CNTLN: variants seen among roughly 807,000 people sequenced by gnomAD.
The protein encoded by CNTLN is centlein.
CNTLN carries 212 observed loss-of-function variants against 180.0 expected under a neutral mutation model. That is an observed-to-expected ratio of 1.18 (90% CI 1.05 to 1.32). CNTLN has a LOEUF of 1.32. CNTLN is among the 40% of genes most tolerant of loss of function. CNTLN has a pLI of 0.00. For synonymous variants in CNTLN, 722 were observed against 563.1 expected (o/e 1.28, Z -3.99); for missense variants, 2,095 against 1,610.9 (o/e 1.30, Z -5.14).
intron 2 of CNTLN, among the ~76,000 whole-genome samples, chr9:17,210,925 G>C (rs1823256585): frequency 6.6e-6 from 1 of 151,982 alleles, no homozygotes; most frequent in South Asian, 2.1e-4. Flanking sequence ...TTGTAAATTT[G>C]TTTGAGTTCA....
At chr9:17,209,493 A>T (rs769116819) in intron 2 of CNTLN, among the ~76,000 whole-genome samples, 17 of 152,126 alleles carry the variant, frequency 1.1e-4, no homozygotes, top group Non-Finnish European at 1.6e-4. Flanking sequence ...TGTCTGGATG[A>T]TTCTGTCTAA....
chr9:17,360,069 G>A (rs1327559519), intron 12 of CNTLN, among the ~76,000 whole-genome samples: 3 of 152,028 alleles, frequency 2.0e-5, no homozygotes, highest in East Asian at 3.9e-4. Context: ...AGTATTGTAT[G>A]TTGCAATATA....
At chr9:17,241,101 G>A (rs749100286) in intron 5 of CNTLN, among the ~76,000 whole-genome samples, 13 of 152,040 alleles carry the variant, frequency 8.6e-5, no homozygotes, top group African/African-American at 2.2e-4. Flanking sequence ...CTGGTGATCC[G>A]CCCACCTTGG....
rs750164952 is a variant in CNTLN at position 17,330,770 on chromosome 9, C to T, written c.1480C>T (p.Arg494Ter). 1.1e-5 allele frequency: 17 copies of T among 1,608,996 alleles called. No homozygotes were observed. Among genetic ancestry groups the T allele is most frequent in the East Asian group, 9.0e-5 (4 of 44,532 alleles). ...ENISANKGFS[R>*]KSIMTSAEGK... ...CATATCTGCCAACAAGGGTTTCTCC[C>T]GAAAGAGCATCATGACAAGTGCTGA... Residue 494 changes from arginine (R) to a stop codon, truncating the protein, a stop_gained, in exon 9 of 26, where the codon CGA (arginine) becomes TGA (stop). Coordinates refer to ENST00000380647, the MANE Select transcript of CNTLN (RefSeq NM_017738.4). LOFTEE classifies it high-confidence loss of function.
chr9:17,328,136 C>A (rs902101243), intron 8 of CNTLN, among the ~76,000 whole-genome samples: 4 of 152,164 alleles, frequency 2.6e-5, no homozygotes, highest in Non-Finnish European at 5.9e-5. Context: ...ATATAATATA[C>A]CCTTTTGTAC....
intron 1 of CNTLN, among the ~76,000 whole-genome samples, chr9:17,135,629 G>T (rs774232429): frequency 1.3e-5 from 2 of 151,890 alleles, no homozygotes; most frequent in Non-Finnish European, 2.9e-5. Flanking sequence ...GCCCCTTTCC[G>T]AACTGCGGCC....
rs186434632 is a variant in CNTLN, at chr9:17,155,393, C to T, written c.449+12017C>T. On this transcript the variant is annotated intron_variant, in intron 2 of 25. Coordinates refer to ENST00000380647, the MANE Select transcript of CNTLN (RefSeq NM_017738.4). ...GGTCCGCTGCTCTCTTTAGAGCTGT[C>T]AGACAGGGATGTTTAAGTCTGCTAT... 5.4e-3 allele frequency among the ~76,000 whole-genome samples: 823 copies of T among 152,280 alleles called. 6 individuals are homozygous for T. Among genetic ancestry groups the T allele is most frequent in the Admixed American group, 8.0e-3 (123 of 15,296 alleles).
In CNTLN at chr9:17,464,638, C is replaced by T. The variant is rs201401663; in HGVS notation, c.3531+15C>T. 2.5e-4 allele frequency: 350 copies of T among 1,379,022 alleles called. 1 individual carries two copies. In the African/African-American group the frequency reaches 2.7e-3, roughly 11 times the overall value. The allele number at this position is 1,379,022 out of a possible 1,614,324, so 85.4% of individuals were successfully genotyped here. A position where few individuals can be genotyped will look rare whatever the true frequency, so the allele number is the denominator to read the frequency against. ...TTGATAAAAAGGTATCAATTTTTAT[C>T]TTTACTGACACTAAAAATATCACTT... On this transcript the variant is annotated intron_variant, in intron 21 of 25. Transcript: ENST00000380647.
chr9:17,351,915 CT>C (rs1274290253), intron 12 of CNTLN, among the ~76,000 whole-genome samples: 3 of 152,078 alleles, frequency 2.0e-5, no homozygotes, highest in Non-Finnish European at 2.9e-5. Context: ...TCTGCTTTCC[CT>C]TTTGTTTCAT....
In CNTLN at chr9:17,463,024, TG is replaced by T; in HGVS notation, c.3404+12del. 1 of 1,523,860 alleles carries T rather than the reference TG, an allele frequency of 6.6e-7. No homozygotes were observed. Among genetic ancestry groups the T allele is most frequent in the Non-Finnish European group, 8.9e-7 (1 of 1,117,850 alleles). 94.4% of individuals were successfully genotyped at this position (1,523,860 alleles called of 1,614,324 possible). A position where few individuals can be genotyped will look rare whatever the true frequency, so the allele number is the denominator to read the frequency against. ...GGAAATGCATGAAAAGTATGGTTTT[TG>T]TATTTCTATCCATTGTATTTGGTGC... On this transcript the variant is annotated intron_variant, in intron 20 of 25. Transcript: ENST00000380647.
chr9:17,270,484 C>T (rs1223050084), intron 5 of CNTLN, among the ~76,000 whole-genome samples: 1 of 152,234 alleles, frequency 6.6e-6, no homozygotes, highest in South Asian at 2.1e-4. Flanking sequence ...TTACCCAAAT[C>T]TTTCTTCAAT....
rs748140576 is a variant in CNTLN at position 17,236,513 on chromosome 9, A to G, written c.774A>G (p.Leu258=). The change falls in exon 5 of 26, where the codon CTA becomes CTG. Residue 258 remains leucine, a synonymous_variant. Coordinates refer to ENST00000380647, the MANE Select transcript of CNTLN (RefSeq NM_017738.4). The stretch of plus-strand genomic sequence containing the variant: ...TAAGTACCCGCTGCACTGACCTGCT[A>G]AATGACCTGGAGAAATTGAGGAAGC... ...KKLSTRCTDL[L]NDLEKLRKQE... 11 of 1,613,732 alleles carry G rather than the reference A, an allele frequency of 6.8e-6. No homozygotes were observed. In the South Asian group the frequency reaches 8.8e-5, roughly 13 times the overall value.
intron 7 of CNTLN, chr9:17,298,993 C>G: frequency 1.1e-6 from 1 of 951,956 alleles, no homozygotes; most frequent in Non-Finnish European, 1.3e-6. Flanking sequence ...CCTGTAATCC[C>G]AGCACTTTGG....
At chr9:17,365,665 A>G (rs561079764) in intron 12 of CNTLN, among the ~76,000 whole-genome samples, 1 of 152,252 alleles carries the variant, frequency 6.6e-6, no homozygotes, top group South Asian at 2.1e-4. Flanking sequence ...CTGTGTTAGG[A>G]TGTGGTTGAG....
At chr9:17,206,488 A>G (rs1167447173) in intron 2 of CNTLN, among the ~76,000 whole-genome samples, 4 of 152,164 alleles carry the variant, frequency 2.6e-5, no homozygotes, top group Non-Finnish European at 5.9e-5. Flanking sequence ...TACCTAACAA[A>G]TCTCACAATA....
At chr9:17,312,983 A>C (rs1819312333) in intron 8 of CNTLN, among the ~76,000 whole-genome samples, 1 of 152,000 alleles carries the variant, frequency 6.6e-6, no homozygotes, top group Non-Finnish European at 1.5e-5. Flanking sequence ...TTTTTGCTTC[A>C]TGGGTTTTAA....
chr9:17,400,097 A>C (rs1282202408), intron 15 of CNTLN, among the ~76,000 whole-genome samples: 1 of 152,102 alleles, frequency 6.6e-6, no homozygotes, highest in Non-Finnish European at 1.5e-5. Context: ...AGTTGGATAA[A>C]AGAAACATAT....
At chr9:17,505,305 A>G (rs1189560781), downstream of CNTLN, among the ~76,000 whole-genome samples, 1 of 152,128 alleles carries the variant, frequency 6.6e-6, no homozygotes, top group Non-Finnish European at 1.5e-5. Flanking sequence ...TCTCAACATA[A>G]CGTGGGAAAT....
At chr9:17,242,969 G>A (rs910279440) in intron 5 of CNTLN, among the ~76,000 whole-genome samples, 1 of 152,054 alleles carries the variant, frequency 6.6e-6, no homozygotes, top group Non-Finnish European at 1.5e-5. Context: ...GAAGCTGGGA[G>A]ATGTCTTTTC....
Sources: allele counts gnomAD v4.1 joint callset (sites outside exome capture counted in the v4.1 genomes callset), GRCh38; gene constraint gnomAD v4.1.1; transcripts MANE v1.5; gene names NCBI Gene and HGNC (gene_info 2026-07-23, HGNC 2026-07-21).